The following SLC5A2 variants were observed in gnomAD, a reference collection of about 807,000 sequenced individuals.
The protein encoded by SLC5A2 is sodium/glucose cotransporter 2.
A neutral mutation model predicts 69.0 loss-of-function variants in SLC5A2; 67 were observed. That is an observed-to-expected ratio of 0.97 (90% CI 0.80 to 1.19). SLC5A2 has a LOEUF of 1.19. SLC5A2 is among the 50% of genes most tolerant of loss of function. The pLI is 0.00. For missense variants in SLC5A2, 1,001 were observed against 921.5 expected (o/e 1.09, Z -1.12); for synonymous variants, 455 against 395.8 (o/e 1.15, Z -1.78).
chr16:31,485,586 G>GGGGCCCT, intron 3 of SLC5A2, 143 bp from the exon 4 acceptor site: 1 of 966,942 alleles, frequency 1.0e-6, no homozygotes, highest in Non-Finnish European at 1.6e-6. Flanking sequence ...CCAGGGCCCC[G>GGGGCCCT]GGGCCATCAC....
intron 5 of SLC5A2, 38 bp from the exon 6 acceptor site, chr16:31,487,281 TA>T: frequency 6.2e-7 from 1 of 1,603,654 alleles, no homozygotes; most frequent in Non-Finnish European, 8.5e-7. Flanking sequence ...GCCTGTAACA[TA>T]AACAGCTGGG....
rs115271308 is a variant in SLC5A2, at chr16:31,487,093, A to T, written c.575-227A>T. On this transcript the variant is annotated intron_variant, in intron 5 of 13. Transcript: ENST00000330498. ...AAACTGGGGCCTAGAGGGGGCTGCT[A>T]GTGGGGGTCCTGCAAGTAGGCGCCT... is the stretch of plus-strand genomic sequence containing the variant. Among the ~76,000 whole-genome samples, 854 of 152,216 alleles carry T rather than the reference A, an allele frequency of 5.6e-3. 6 individuals are homozygous for T. The highest frequency in any genetic ancestry group is 0.02 in the African/African-American group (816 of 41,544).
At chr16:31,489,799 C>G (rs563911047) in intron 12 of SLC5A2, 2 of 462,256 alleles carry the variant, frequency 4.3e-6, no homozygotes, top group Non-Finnish European at 8.0e-6. Context: ...AGGCACAGAA[C>G]ACTGTGAGCA....
chr16:31,489,968 A>G (rs2082546665), intron 12 of SLC5A2, 136 bp from the exon 13 acceptor site: 3 of 1,165,390 alleles, frequency 2.6e-6, no homozygotes, highest in Admixed American at 4.0e-5. Flanking sequence ...AGTTGGCATG[A>G]GTTAAGCCTG....
Position 31,489,062 on chromosome 16 carries a change from G to C in SLC5A2, c.1449+14G>C, listed in dbSNP as rs777309894. 6 of 1,601,768 alleles carry C rather than the reference G, an allele frequency of 3.7e-6. No individual in the cohort carries two copies. The African/African-American group carries it at 4.0e-5, about 11-fold the overall frequency. ...GTTAATGAGCAGGTGAGCGGCACGCGCGTGGTGACGGCAGGGCTGGGCTTG... is the reference window on the plus strand; with the variant it reads ...GTTAATGAGCAGGTGAGCGGCACGCCCGTGGTGACGGCAGGGCTGGGCTTG... On this transcript the variant is annotated intron_variant, in intron 11 of 13. Transcript: ENST00000330498.
At chr16:31,489,670 G>C (rs1235719228) in intron 12 of SLC5A2, 1 of 485,022 alleles carries the variant, frequency 2.1e-6, no homozygotes, top group Non-Finnish European at 3.8e-6. Flanking sequence ...GTTGCCAAAG[G>C]GCAGGTGGCT....
At chr16:31,489,808 C>T (rs1371909196) in intron 12 of SLC5A2, 1 of 465,374 alleles carries the variant, frequency 2.1e-6, no homozygotes, top group Non-Finnish European at 4.0e-6. Flanking sequence ...ACACTGTGAG[C>T]AGGACTGCCA....
rs746357488 is a variant in SLC5A2 at position 31,488,670 on chromosome 16, C to T, written c.1178C>T (p.Ser393Leu). ...LAVMLAALMS[S>L]LASIFNSSST... ...GTCATGCTGGCCGCGCTCATGTCCT[C>T]GCTGGCCTCCATCTTCAACAGCAGC... The change falls in exon 10 of 14, where the codon TCG becomes TTG. Residue 393 changes from serine to leucine, a missense_variant. By Grantham distance (145) the Ser-to-Leu change is moderately radical. Transcript: ENST00000330498. 2 of 1,612,612 alleles carry T rather than the reference C, an allele frequency of 1.2e-6. No individual in the cohort carries two copies. The highest frequency in any genetic ancestry group is 1.1e-5 in the South Asian group (1 of 91,056).
At chr16:31,487,110 T>A (rs1367006571) in intron 5 of SLC5A2, among the ~76,000 whole-genome samples, 1 of 152,126 alleles carries the variant, frequency 6.6e-6, no homozygotes, top group Non-Finnish European at 1.5e-5. Context: ...GTCCTGCAAG[T>A]AGGCGCCTGG....
chr16:31,490,602 TC>T lies in SLC5A2; in HGVS notation c.*71del. 7.2e-7 allele frequency: 1 copy of T among 1,383,794 alleles called. No homozygotes were observed. Among genetic ancestry groups the T allele is most frequent in the Non-Finnish European group, 1.0e-6 (1 of 990,336 alleles). 85.7% of individuals were successfully genotyped at this position (1,383,794 alleles called of 1,614,324 possible). On this transcript the variant is annotated 3_prime_UTR_variant, in exon 14 of 14. Transcript: ENST00000330498. ...AGTGGGGGTGAGGAGCCTGCGGTGC[TC>T]CCCAGAAAAGGGGAAGGGGCAGTGG...
intron 12 of SLC5A2, 198 bp downstream of exon 12, chr16:31,489,536 G>T: frequency 1.6e-6 from 1 of 625,976 alleles, no homozygotes; most frequent in Non-Finnish European, 2.8e-6. Flanking sequence ...GAGGCTTGAT[G>T]TTGATGGGTT....
chr16:31,484,994 C>A, intron 3 of SLC5A2, 71 bp downstream of exon 3: 1 of 1,384,514 alleles, frequency 7.2e-7, no homozygotes, highest in African/African-American at 1.4e-5. Context: ...CTTGGGGAAA[C>A]TCCAGGAAAG....
intron 13 of SLC5A2, 21 bp from the exon 14 acceptor site, chr16:31,490,288 C>A (rs760963048): frequency 1.5e-5 from 25 of 1,613,434 alleles, no homozygotes; most frequent in Non-Finnish European, 2.1e-5. Context: ...AAACTAACTG[C>A]AGGGCCTCAA....
intron 5 of SLC5A2, among the ~76,000 whole-genome samples, chr16:31,486,728 A>G (rs2082498588): frequency 6.6e-6 from 1 of 152,170 alleles, no homozygotes; most frequent in Admixed American, 6.5e-5. Flanking sequence ...GACCTTAGAC[A>G]ATCATCCTCT....
At chr16:31,490,258 T>C in intron 13 of SLC5A2, 28 bp downstream of exon 13, 1 of 1,613,996 alleles carries the variant, frequency 6.2e-7, no homozygotes, top group Non-Finnish European at 8.5e-7. Context: ...GAGGTGGGGC[T>C]GGAGGAGCTG....
At position 31,484,571 on chromosome 16, in the gene SLC5A2, G is replaced by A. The variant is rs1019084291; in HGVS notation, c.127-102G>A. The A allele has an allele frequency of 3.2e-5, 43 of 1,329,182 alleles. No homozygotes were observed. In the East Asian group the frequency reaches 3.5e-4, roughly 11 times the overall value. 82.3% of individuals were successfully genotyped at this position (1,329,182 alleles called of 1,614,324 possible). On this transcript the variant is annotated intron_variant, in intron 1 of 13. Transcript: ENST00000330498. Reference sequence around the variant, plus strand: ...GCAAACGATCAGGGAAACTTGGCTCGTTAATCTTCAGCCAGAAACAAGGCT... The same window carrying A: ...GCAAACGATCAGGGAAACTTGGCTCATTAATCTTCAGCCAGAAACAAGGCT...
At chr16:31,484,080 C>A (rs2082475636) in intron 1 of SLC5A2, among the ~76,000 whole-genome samples, 1 of 150,956 alleles carries the variant, frequency 6.6e-6, no homozygotes, top group Non-Finnish European at 1.5e-5. Flanking sequence ...CAGAGCGAGA[C>A]CTTGTCTCTA....
chr16:31,490,210 A>C lies in SLC5A2; in HGVS notation c.1772A>C (p.Glu591Ala), dbSNP rs776308203. The change falls in exon 13 of 14, where the codon GAG becomes GCG. Residue 591 changes from glutamate (E) to alanine (A), a missense_variant. By Grantham distance (107) the Glu-to-Ala change is moderately radical (BLOSUM62 -1). Transcript: ENST00000330498. The stretch of plus-strand genomic sequence containing the variant: ...CTCCCTGTACAGAATGGGTGCCCAG[A>C]GAGTGCCATGGAGATGAATGGTAGG... ...SSLPVQNGCP[E>A]SAMEMNEPQA... 2.5e-6 allele frequency: 4 copies of C among 1,614,196 alleles called. No homozygotes were observed. Among genetic ancestry groups the C allele is most frequent in the Non-Finnish European group, 3.4e-6 (4 of 1,180,028 alleles).
chr16:31,489,180 G>T lies in SLC5A2; in HGVS notation c.1507G>T (p.Glu503Ter), dbSNP rs1244620960. The change falls in exon 12 of 14, where the codon GAG (glutamate) becomes TAG (stop). Residue 503 changes from glutamate (E) to a stop codon, truncating the protein, a stop_gained. Coordinates refer to ENST00000330498, the MANE Select transcript of SLC5A2 (RefSeq NM_003041.4). LOFTEE classifies it high-confidence loss of function. ...GATGGGCCTGGCACGCCTGATTCCC[G>T]AGTTCTCCTTCGGCTCGGGCAGCTG... is the stretch of plus-strand genomic sequence containing the variant. ...LLMGLARLIPEFSFGSGSCVQ... is the reference protein window; with the variant it reads ...LLMGLARLIP 6.2e-7 allele frequency: 1 copy of T among 1,610,538 alleles called. No individual in the cohort carries two copies. The highest frequency in any genetic ancestry group is 8.5e-7 in the Non-Finnish European group (1 of 1,180,018).
Sources: gnomAD v4.1 joint callset for allele counts (sites outside exome capture counted in the v4.1 genomes callset) on GRCh38, gnomAD v4.1.1 for gene constraint, MANE v1.5 for transcripts, NCBI Gene and HGNC (gene_info 2026-07-23, HGNC 2026-07-21) for gene names.